ATP10B: variants seen among roughly 807,000 people sequenced by gnomAD.
ATP10B encodes ATPase phospholipid transporting 10B (putative).
In ATP10B, 122 loss-of-function variants were observed where a neutral mutation model predicts 141.2. The observed-to-expected ratio is 0.86, with a 90% CI of 0.75 to 1.00. ATP10B has a LOEUF of 1.00. Ranked by LOEUF, ATP10B falls within the 50% of genes least tolerant of loss-of-function variation. The probability of loss-of-function intolerance (pLI) is 0.00; values close to 1 mark genes in which losing one functional copy is unlikely to be tolerated. For synonymous variants in ATP10B, 685 were observed against 692.0 expected (o/e 0.99, Z 0.16); for missense variants, 1,876 against 1,825.3 (o/e 1.03, Z -0.51).
the ATP10B span, among the ~76,000 whole-genome samples, chr5:160,863,673 GA>G: frequency 1.3e-5 from 2 of 151,898 alleles, no homozygotes; most frequent in African/African-American, 2.4e-5. Context: ...TGATTTCTTT[GA>G]AAAGATAAAT....
intron 12 of ATP10B, chr5:160,633,947 C>A: frequency 2.9e-6 from 1 of 345,814 alleles, no homozygotes; most frequent in South Asian, 2.3e-5. Context: ...TAAATCTGAC[C>A]ATGCACCTAG....
intron 24 of ATP10B, 119 bp from the exon 25 acceptor site, chr5:160,569,802 T>G (rs1051335342): frequency 2.5e-6 from 2 of 814,724 alleles, no homozygotes; most frequent in Admixed American, 7.0e-5. Flanking sequence ...CACACAAAAT[T>G]CAAAAAAGTG....
At chr5:160,589,419 A>C (rs1216265952) in intron 24 of ATP10B, among the ~76,000 whole-genome samples, 173 bp downstream of exon 24, 1 of 152,256 alleles carries the variant, frequency 6.6e-6, no homozygotes, top group African/African-American at 2.4e-5. Flanking sequence ...AGTTGATTCC[A>C]GAATTTTATC....
intron 6 of ATP10B, among the ~76,000 whole-genome samples, chr5:160,675,175 C>T (rs114761087): frequency 0.013 from 2,047 of 152,286 alleles, 32 homozygotes; most frequent in African/African-American, 0.046. Context: ...CAGCCTGTTT[C>T]GAACAGCTGC....
At chr5:160,893,019 T>C in the ATP10B span, among the ~76,000 whole-genome samples, 1 of 152,128 alleles carries the variant, frequency 6.6e-6, no homozygotes, top group South Asian at 2.1e-4. Flanking sequence ...CCAGCCCAGA[T>C]ACTTTGCTTT....
chr5:160,815,187 C>G (rs1360369235), intron 1 of ATP10B, among the ~76,000 whole-genome samples: 3 of 152,116 alleles, frequency 2.0e-5, no homozygotes, highest in Non-Finnish European at 4.4e-5. Flanking sequence ...AAGACACAGA[C>G]TGGCAAATTG....
chr5:160,844,680 G>A (rs1776012174), intron 1 of ATP10B, among the ~76,000 whole-genome samples: 1 of 151,878 alleles, frequency 6.6e-6, no homozygotes, highest in African/African-American at 2.4e-5. Context: ...TGAGTAGTTG[G>A]GATTACAGGC....
At chr5:160,818,320 C>A (rs1350107366) in intron 1 of ATP10B, among the ~76,000 whole-genome samples, 2 of 152,078 alleles carry the variant, frequency 1.3e-5, no homozygotes, top group Non-Finnish European at 2.9e-5. Flanking sequence ...ACAAACAACC[C>A]CATCAAAAAG....
intron 24 of ATP10B, among the ~76,000 whole-genome samples, chr5:160,578,933 A>G (rs1698375197): frequency 6.6e-6 from 1 of 152,230 alleles, no homozygotes; most frequent in Non-Finnish European, 1.5e-5. Context: ...TCTAATGACC[A>G]GTGATGATGA....
intron 22 of ATP10B, among the ~76,000 whole-genome samples, chr5:160,592,302 G>A (rs1756362354): frequency 6.6e-6 from 1 of 152,188 alleles, no homozygotes. Flanking sequence ...TGGGCTTTGG[G>A]GGTTCTATAG....
chr5:160,884,948 A>G, the ATP10B span, among the ~76,000 whole-genome samples: 9 of 152,268 alleles, frequency 5.9e-5, no homozygotes, highest in African/African-American at 2.2e-4. Context: ...AGAAAGAAAA[A>G]CCCAGGAATC....
the ATP10B span, among the ~76,000 whole-genome samples, chr5:160,888,438 C>T: frequency 6.6e-6 from 1 of 152,200 alleles, no homozygotes; most frequent in Non-Finnish European, 1.5e-5. Flanking sequence ...AGAAGTCTCT[C>T]GATGTCTAGG....
chr5:160,895,650 A>G, the ATP10B span, among the ~76,000 whole-genome samples: 1 of 152,164 alleles, frequency 6.6e-6, no homozygotes, highest in African/African-American at 2.4e-5. Flanking sequence ...AAGACAGAAA[A>G]TTAACAAGGA....
Position 160,609,952 on chromosome 5 carries a change from T to A in ATP10B, c.2838+2789A>T, listed in dbSNP as rs75636211. On this transcript the variant is annotated intron_variant, in intron 18 of 25. Coordinates refer to ENST00000327245, the MANE Select transcript of ATP10B (RefSeq NM_025153.3). ...TGGAGACATAAGCTTTAAAATTAAATCATCTCTTAATTTACTTATTTCCAG... is the reference window on the plus strand; with the variant it reads ...TGGAGACATAAGCTTTAAAATTAAAACATCTCTTAATTTACTTATTTCCAG... Among the ~76,000 whole-genome samples, 103 of 152,314 alleles carry A rather than the reference T, an allele frequency of 6.8e-4. 2 individuals are homozygous for A. In the East Asian group the frequency reaches 0.019, roughly 28 times the overall value.
chr5:160,593,786 T>C (rs1455943540), intron 22 of ATP10B, among the ~76,000 whole-genome samples: 9 of 152,026 alleles, frequency 5.9e-5, no homozygotes, highest in Non-Finnish European at 7.4e-5. Flanking sequence ...GGAGCCGATG[T>C]GATCAACTTG....
At chr5:160,672,084 C>T (rs541876596) in intron 6 of ATP10B, among the ~76,000 whole-genome samples, 1 of 143,806 alleles carries the variant, frequency 7.0e-6, no homozygotes, top group East Asian at 2.1e-4. Context: ...TCAAGTGATC[C>T]TCCTTCCTCA....
intron 14 of ATP10B, among the ~76,000 whole-genome samples, chr5:160,622,022 A>G (rs1287801267): frequency 2.0e-5 from 3 of 152,200 alleles, no homozygotes; most frequent in Admixed American, 1.3e-4. Flanking sequence ...GTTAAATCTA[A>G]GGTCCTGCCT....
intron 7 of ATP10B, among the ~76,000 whole-genome samples, chr5:160,653,899 T>TA (rs1242121598): frequency 2.0e-5 from 1 of 49,742 alleles, no homozygotes; most frequent in Non-Finnish European, 3.4e-5. Context: ...ATATATGTAG[T>TA]ATATACGTAT....
chr5:160,869,899 C>A, the ATP10B span, among the ~76,000 whole-genome samples: 1 of 152,136 alleles, frequency 6.6e-6, no homozygotes, highest in African/African-American at 2.4e-5. Context: ...CAGGTGCTCA[C>A]AGTAAATAAT....
Sources: allele counts gnomAD v4.1 joint callset (sites outside exome capture counted in the v4.1 genomes callset), GRCh38; gene constraint gnomAD v4.1.1; transcripts MANE v1.5; gene names NCBI Gene and HGNC (gene_info 2026-07-23, HGNC 2026-07-21).